HAGH: variants seen among roughly 807,000 people sequenced by gnomAD.
HAGH encodes hydroxyacylglutathione hydrolase, mitochondrial.
A neutral mutation model predicts 35.1 loss-of-function variants in HAGH; 29 were observed. That is an observed-to-expected ratio of 0.83 (90% CI 0.62 to 1.13). The LOEUF (loss-of-function observed/expected upper bound fraction) is 1.13. HAGH is among the 50% of genes most tolerant of loss of function. The pLI is 0.00. For synonymous variants in HAGH, 225 were observed against 176.1 expected, an observed-to-expected ratio of 1.28 and a Z score of -2.20; for missense variants, 478 against 419.6, an observed-to-expected ratio of 1.14 and a Z score of -1.22.
chr16:1,820,351 C>T (rs111886743), intron 3 of HAGH, among the ~76,000 whole-genome samples: 1,535 of 140,236 alleles, frequency 0.011, 4 homozygotes, highest in East Asian at 0.018. Flanking sequence ...TGGGGAGAGG[C>T]CTGGGGTGGA....
intron 7 of HAGH, among the ~76,000 whole-genome samples, chr16:1,813,842 C>T (rs1044193473): frequency 6.6e-6 from 1 of 152,192 alleles, no homozygotes; most frequent in Non-Finnish European, 1.5e-5. Context: ...CCTCGGACAC[C>T]GTGGCAAGTC....
chr16:1,816,765 C>G (rs1897910493), intron 7 of HAGH, 128 bp downstream of exon 7: 6 of 668,820 alleles, frequency 9.0e-6, no homozygotes, highest in East Asian at 2.7e-5. Flanking sequence ...CTGGGCCACA[C>G]TGGCCTGAAT....
chr16:1,826,449 G>T, intron 1 of HAGH: 1 of 598,590 alleles, frequency 1.7e-6, no homozygotes, highest in Non-Finnish European at 2.1e-6. Context: ...CGTCAGGGGC[G>T]CGGCCGGCCC....
At chr16:1,813,982 C>T (rs1403647986) in intron 7 of HAGH, among the ~76,000 whole-genome samples, 1 of 152,150 alleles carries the variant, frequency 6.6e-6, no homozygotes, top group African/African-American at 2.4e-5. Context: ...CTGAACACCT[C>T]GGGATCACAC....
intron 1 of HAGH, among the ~76,000 whole-genome samples, chr16:1,825,398 CG>C (rs1898354732): frequency 6.6e-6 from 1 of 152,124 alleles, no homozygotes; most frequent in Admixed American, 6.6e-5. Context: ...TGAGGAAAGA[CG>C]CAGCTGGTGC....
intron 1 of HAGH, among the ~76,000 whole-genome samples, chr16:1,825,154 T>G (rs1223181559): frequency 1.3e-5 from 2 of 151,714 alleles, no homozygotes; most frequent in Non-Finnish European, 2.9e-5. Context: ...CTGTCTCTAC[T>G]AAAAAATACA....
At chr16:1,819,027 G>T in intron 5 of HAGH, 88 bp downstream of exon 5, 1 of 805,622 alleles carries the variant, frequency 1.2e-6, no homozygotes, top group South Asian at 1.5e-5. Context: ...AACAGAGAAG[G>T]CCACGAAGCT....
chr16:1,814,806 G>A (rs1413290300), intron 7 of HAGH, among the ~76,000 whole-genome samples: 1 of 151,980 alleles, frequency 6.6e-6, no homozygotes, highest in Non-Finnish European at 1.5e-5. Context: ...GCTGAGGCAG[G>A]AGAATGGCTT....
chr16:1,824,039 C>T (rs911711236), intron 1 of HAGH, among the ~76,000 whole-genome samples: 11 of 152,100 alleles, frequency 7.2e-5, no homozygotes, highest in African/African-American at 2.7e-4. Flanking sequence ...GTGCTGCCAC[C>T]ACTGACTAAG....
At chr16:1,809,570 C>A in intron 8 of HAGH, 184 bp downstream of exon 8, 2 of 665,872 alleles carry the variant, frequency 3.0e-6, no homozygotes, top group Admixed American at 2.6e-5. Context: ...ACTCACACCC[C>A]GGCCAAGGTG....
At chr16:1,811,087 T>C (rs970452207) in intron 7 of HAGH, among the ~76,000 whole-genome samples, 1 of 152,206 alleles carries the variant, frequency 6.6e-6, no homozygotes, top group African/African-American at 2.4e-5. Flanking sequence ...CTAGCTATTT[T>C]TCCTACAAAG....
intron 3 of HAGH, chr16:1,822,041 C>T: frequency 2.0e-6 from 1 of 505,664 alleles, no homozygotes; most frequent in Non-Finnish European, 3.6e-6. Flanking sequence ...CCCGCATGGC[C>T]CAGGAGAGAG....
At position 1,809,216 on chromosome 16, in the gene HAGH, G is replaced by A; in HGVS notation, c.*67C>T. Reference sequence around the variant, plus strand: ...AAATCAAGACTGAATTTCCCGCACGGACCAGCAGGAAAGCCAGTTACCTAA... The same window carrying A: ...AAATCAAGACTGAATTTCCCGCACGAACCAGCAGGAAAGCCAGTTACCTAA... On this transcript the variant is annotated 3_prime_UTR_variant, in exon 9 of 9. Transcript: ENST00000397356. 1 of 1,072,328 alleles carries A rather than the reference G, an allele frequency of 9.3e-7. No individual in the cohort carries two copies. The highest frequency in any genetic ancestry group is 1.4e-6 in the Non-Finnish European group (1 of 710,826). 66.4% of individuals were successfully genotyped at this position (1,072,328 alleles called of 1,614,324 possible).
chr16:1,809,160 A>G lies in HAGH; in HGVS notation c.*123T>C, dbSNP rs182177002. ...ATAAATATGCATTAGAATGTCCGAT[A>G]ACACAAGCCAAGGGCTGTAAAATTA... On this transcript the variant is annotated 3_prime_UTR_variant, in exon 9 of 9. Transcript: ENST00000397356. 1 of 678,548 alleles carries G rather than the reference A, an allele frequency of 1.5e-6. No individual in the cohort carries two copies. The highest frequency in any genetic ancestry group is 2.6e-6 in the Non-Finnish European group (1 of 380,030). The allele number at this position is 678,548 out of a possible 1,614,324, so 42.0% of individuals were successfully genotyped here.
At chr16:1,817,337 C>T in intron 5 of HAGH, 66 bp from the exon 6 acceptor site, 1 of 1,011,426 alleles carries the variant, frequency 9.9e-7, no homozygotes, top group South Asian at 1.3e-5. Context: ...CAGGAGGGGG[C>T]CAGGAGCAGG....
intron 7 of HAGH, among the ~76,000 whole-genome samples, chr16:1,813,137 A>G (rs1897739708): frequency 6.6e-6 from 1 of 152,070 alleles, no homozygotes; most frequent in African/African-American, 2.4e-5. Flanking sequence ...TCATGGGGGG[A>G]ATCCTTTGTG....
rs756530698 is a variant in HAGH, at chr16:1,809,372, C to T, written c.838G>A (p.Val280Met). The change falls in exon 9 of 9, where the codon GTG (valine) becomes ATG (methionine). Residue 280 changes from valine to methionine, a missense_variant. By Grantham distance (21) the Val-to-Met change is conservative (BLOSUM62 1). Transcript: ENST00000397356. ...NPFMRVREKT[V>M]QQHAGETDPV... is the part of the protein sequence containing the mutation. Reference sequence around the variant, plus strand: ...TCCGTCTCACCTGCGTGCTGCTGCACCGTCTTCTCCCTGCGGAGGCCAGCA... The same window carrying T: ...TCCGTCTCACCTGCGTGCTGCTGCATCGTCTTCTCCCTGCGGAGGCCAGCA... 6.2e-7 allele frequency: 1 copy of T among 1,610,870 alleles called. No homozygotes were observed. The highest frequency in any genetic ancestry group is 1.1e-5 in the South Asian group (1 of 91,062).
In HAGH at chr16:1,809,106, T is replaced by G; in HGVS notation, c.*177A>C. 3.5e-6 allele frequency: 2 copies of G among 569,100 alleles called. No homozygotes were observed. Among genetic ancestry groups the G allele is most frequent in the South Asian group, 4.9e-5 (2 of 40,430 alleles). The allele number at this position is 569,100 out of a possible 1,614,324, so 35.3% of individuals were successfully genotyped here. ...GAAAACAGTCTGCAAGGGGAAGTTA[T>G]GGGAATAAATACTTGTTAAACTTCT... is the stretch of plus-strand genomic sequence containing the variant. On this transcript the variant is annotated 3_prime_UTR_variant, in exon 9 of 9. Coordinates refer to ENST00000397356, the MANE Select transcript of HAGH (RefSeq NM_005326.6).
intron 7 of HAGH, chr16:1,812,527 A>AG (rs1567252709): frequency 2.1e-5 from 3 of 143,380 alleles, no homozygotes; most frequent in African/African-American, 7.7e-5. Flanking sequence ...AAACAAAAAA[A>AG]AAACACACAA....
Sources: gnomAD v4.1 joint callset for allele counts (sites outside exome capture counted in the v4.1 genomes callset) on GRCh38, gnomAD v4.1.1 for gene constraint, MANE v1.5 for transcripts, NCBI Gene and HGNC (gene_info 2026-07-23, HGNC 2026-07-21) for gene names.